Variants in NLRP7 observed in about 807,000 individuals in gnomAD.
The protein encoded by NLRP7 is NLR family pyrin domain containing 7.
Under a neutral mutation model 85.5 loss-of-function variants are expected in NLRP7, and 72 were observed. The observed-to-expected ratio is 0.84, with a 90% CI of 0.70 to 1.02. NLRP7 has a LOEUF of 1.02. Ranked by LOEUF, NLRP7 falls within the 50% of genes least tolerant of loss-of-function variation. NLRP7 has a pLI of 0.00. For synonymous variants in NLRP7, 550 were observed against 505.2 expected, an observed-to-expected ratio of 1.09 and a Z score of -1.19; for missense variants, 1,243 against 1,219.5, an observed-to-expected ratio of 1.02 and a Z score of -0.29.
chr19:54,936,414 G>T, exon 6 of NLRP7: 1 of 1,614,116 alleles, frequency 6.2e-7, no homozygotes, highest in Non-Finnish European at 8.5e-7. Context: ...CGCGGTGTCA[G>T]GGGTGACGTT....
chr19:54,934,785 C>A lies in NLRP7; in HGVS notation c.2301-126G>T. ...AATGCAAAGGCGTGATCTCACCTCA[C>A]TGCAGCCTCCGCCTCCCGGGTTCAA... On this transcript the variant is annotated intron_variant, in intron 6 of 9. Transcript: ENST00000340844. The surrounding 1 kb of genome is among the most constrained non-coding windows in gnomAD (Gnocchi z 6.7). 1 of 734,942 alleles carries A rather than the reference C, an allele frequency of 1.4e-6. No individual in the cohort carries two copies. Among genetic ancestry groups the A allele is most frequent in the Admixed American group, 2.9e-5 (1 of 34,782 alleles). 45.5% of individuals were successfully genotyped at this position (734,942 alleles called of 1,614,324 possible).
At chr19:54,930,456 T>C (rs769973271) in intron 9 of NLRP7, 43 bp downstream of exon 9, 1 of 1,399,996 alleles carries the variant, frequency 7.1e-7, no homozygotes, top group Admixed American at 1.7e-5. Context: ...AGCAAGACCC[T>C]GTCTCAAAAA....
At chr19:54,941,842 G>A (rs1468425595) in intron 1 of NLRP7, 92 bp from the exon 2 acceptor site, 2 of 920,814 alleles carry the variant, frequency 2.2e-6, no homozygotes, top group Non-Finnish European at 3.2e-6. Context: ...TGTTCCTGCT[G>A]TACAGTGAGT....
At chr19:54,939,910 G>T in exon 4 of NLRP7, 1 of 1,614,110 alleles carries the variant, frequency 6.2e-7, no homozygotes, top group Non-Finnish European at 8.5e-7. Context: ...TCAGTGCCCT[G>T]GGCCGCGTGG....
intron 1 of NLRP7, among the ~76,000 whole-genome samples, chr19:54,953,593 C>G (rs542219274): frequency 3.2e-4 from 48 of 149,254 alleles, no homozygotes; most frequent in Middle Eastern, 3.4e-3. Flanking sequence ...TCCTGGGGCG[C>G]GGGGCTGTCT....
chr19:54,940,260 G>A (rs2069163287), exon 4 of NLRP7: 2 of 1,614,064 alleles, frequency 1.2e-6, no homozygotes, highest in Non-Finnish European at 1.7e-6. Context: ...TTTTTGGCCA[G>A]CGTGGTTTTC....
At chr19:54,941,839 G>A (rs2069243759) in intron 1 of NLRP7, 89 bp from the exon 2 acceptor site, 4 of 954,646 alleles carry the variant, frequency 4.2e-6, no homozygotes, top group Non-Finnish European at 3.1e-6. Context: ...GACTGTTCCT[G>A]CTGTACAGTG....
At chr19:54,951,875 C>T (rs1326628100), upstream of NLRP7, among the ~76,000 whole-genome samples, 4 of 151,964 alleles carry the variant, frequency 2.6e-5, no homozygotes, top group African/African-American at 4.8e-5. Flanking sequence ...CTCAGCCTCC[C>T]GAATAGCTGG....
At chr19:54,947,713 C>A, upstream of NLRP7, 2 of 1,174,810 alleles carry the variant, frequency 1.7e-6, no homozygotes, top group Non-Finnish European at 2.3e-6. Flanking sequence ...TGGAGAATTA[C>A]GGCTTGCTGA....
exon 4 of NLRP7, chr19:54,940,062 C>A: frequency 1.2e-6 from 2 of 1,614,160 alleles, no homozygotes; most frequent in Non-Finnish European, 1.7e-6. Flanking sequence ...TCAAGGCCAT[C>A]GACCACGAAC....
intron 5 of NLRP7, among the ~76,000 whole-genome samples, chr19:54,937,294 A>G (rs894697110): frequency 6.6e-6 from 1 of 152,006 alleles, no homozygotes; most frequent in Non-Finnish European, 1.5e-5. Context: ...TTGGGTGACA[A>G]AATAATCTGT....
chr19:54,941,928 G>A (rs1392569978), intron 1 of NLRP7, among the ~76,000 whole-genome samples, 178 bp from the exon 2 acceptor site: 2 of 151,722 alleles, frequency 1.3e-5, no homozygotes, highest in East Asian at 3.9e-4. Context: ...GCGGCCAGGA[G>A]TTCGAGACCA....
chr19:54,943,579 C>G (rs775889), intron 1 of NLRP7, among the ~76,000 whole-genome samples: 30 of 138,890 alleles, frequency 2.2e-4, no homozygotes, highest in Non-Finnish European at 3.8e-4. Context: ...CCAGCCTGGG[C>G]GACAGAGCGA....
At chr19:54,956,734 A>G (rs1175941038) in intron 1 of NLRP7, among the ~76,000 whole-genome samples, 1 of 151,490 alleles carries the variant, frequency 6.6e-6, no homozygotes, top group Non-Finnish European at 1.5e-5. Flanking sequence ...CACGCCTATA[A>G]TATCAGCACT....
chr19:54,930,416 C>T, intron 9 of NLRP7, 83 bp downstream of exon 9: 1 of 938,426 alleles, frequency 1.1e-6, no homozygotes, highest in Admixed American at 1.9e-5. Context: ...GAGCCGTAAT[C>T]ACCCCACTGC....
At chr19:54,944,295 C>T (rs1400131812) in intron 1 of NLRP7, among the ~76,000 whole-genome samples, 3 of 151,868 alleles carry the variant, frequency 2.0e-5, no homozygotes, top group Admixed American at 6.6e-5. Context: ...AGGGGAAAAC[C>T]GCCTTAGGGC....
At chr19:54,928,654 T>C (rs1476946475) in intron 9 of NLRP7, among the ~76,000 whole-genome samples, 2 of 152,054 alleles carry the variant, frequency 1.3e-5, no homozygotes, top group African/African-American at 4.8e-5. Flanking sequence ...GGAAAGAAAC[T>C]GAAGGATGGT....
Position 54,940,001 on chromosome 19 carries a change from C to T in NLRP7, c.818G>A (p.Trp273Ter). The T allele has an allele frequency of 6.2e-7, 1 of 1,614,180 alleles. No homozygotes were observed. Among genetic ancestry groups the T allele is most frequent in the East Asian group, 2.2e-5 (1 of 44,872 alleles). Residue 273 changes from tryptophan to a stop codon, truncating the protein, a stop_gained, in exon 4 of 10, where the codon TGG becomes TAG. Coordinates refer to ENST00000340844, the Ensembl canonical transcript of NLRP7. LOFTEE classifies it high-confidence loss of function. ...GACGGGCACCGGCTTCTTCTTCTCC[C>T]AGTCCCCGCAGATGTCCTGGATCAG...
chr19:54,965,486 C>T lies in NLRP7; in HGVS notation c.-77+554G>A, dbSNP rs1345634141. On this transcript the variant is annotated intron_variant, in intron 1 of 2. Transcript: ENST00000587103. ...ATATTTTTTTTCTGAGACGGAGTCT[C>T]GCTCTGTCGCCCAGGCTGGAGTGCA... is the stretch of plus-strand genomic sequence containing the variant. The T allele has an allele frequency of 5.0e-5, 5 of 100,490 alleles. 1 individual carries two copies. The highest frequency in any genetic ancestry group is 5.3e-4 in the South Asian group (2 of 3,760). The allele number at this position is 100,490 out of a possible 1,614,324, so 6.2% of individuals were successfully genotyped here. A position where few individuals can be genotyped will look rare whatever the true frequency, so the allele number is the denominator to read the frequency against.
Sources: gnomAD v4.1 joint callset for allele counts (sites outside exome capture counted in the v4.1 genomes callset) on GRCh38, gnomAD v4.1.1 for gene constraint, Gnocchi (gnomAD v3.1) non-coding constraint, MANE v1.5 for transcripts, NCBI Gene and HGNC (gene_info 2026-07-23, HGNC 2026-07-21) for gene names.